Variants in ZNF536 observed in about 807,000 individuals in gnomAD.
The protein encoded by ZNF536 is zinc finger protein 536.
ZNF536 carries 13 observed loss-of-function variants against 84.5 expected under a neutral mutation model. The ratio of observed to expected loss-of-function variants is 0.15; its 90% CI spans 0.10 to 0.24. The LOEUF (loss-of-function observed/expected upper bound fraction) is 0.24. Ranked by LOEUF, ZNF536 falls within the 10% of genes least tolerant of loss-of-function variation. The pLI, the probability that ZNF536 is intolerant of heterozygous loss-of-function variation, is 1.00. For missense variants in ZNF536, 1,536 were observed against 1,747.5 expected (o/e 0.88, Z 2.16); for synonymous variants, 811 against 742.5 (o/e 1.09, Z -1.50).
At chr19:30,556,682 G>C (rs1222395230) in intron 4 of ZNF536, 3 of 154,066 alleles carry the variant, frequency 1.9e-5, no homozygotes, top group African/African-American at 7.2e-5. Context: ...ATTTAGCCTT[G>C]TTTATGTTCC....
chr19:30,415,552 G>A (rs769998919), intron 1 of ZNF536, among the ~76,000 whole-genome samples: 1 of 150,762 alleles, frequency 6.6e-6, no homozygotes, highest in Non-Finnish European at 1.5e-5. Flanking sequence ...ATTTTTCTCA[G>A]TCTACAGACT....
intron 1 of ZNF536, among the ~76,000 whole-genome samples, chr19:30,569,858 T>C (rs148032162): frequency 0.02 from 2,983 of 152,178 alleles, 37 homozygotes; most frequent in Middle Eastern, 0.031. Context: ...AGAGCCACTG[T>C]ACCCGGCCCA....
At chr19:30,310,372 G>A (rs976935704) in intron 2 of ZNF536, among the ~76,000 whole-genome samples, 37 of 152,180 alleles carry the variant, frequency 2.4e-4, no homozygotes, top group African/African-American at 8.7e-4. Flanking sequence ...GATTCTTCAA[G>A]TGCTGACATC....
chr19:30,363,881 C>T (rs946322957), intron 3 of ZNF536, among the ~76,000 whole-genome samples: 1 of 152,040 alleles, frequency 6.6e-6, no homozygotes, highest in African/African-American at 2.4e-5. Context: ...AAGAGAGAAG[C>T]TTCTTGCAGA....
chr19:30,676,175 TA>T (rs2050748793), intron 1 of ZNF536, among the ~76,000 whole-genome samples: 1 of 152,214 alleles, frequency 6.6e-6, no homozygotes, highest in Non-Finnish European at 1.5e-5. Context: ...CTTTTGTTTT[TA>T]AACTTCAAAC....
intron 2 of ZNF536, 67 bp from the exon 3 acceptor site, chr19:30,534,780 C>T (rs1830597311): frequency 6.7e-7 from 1 of 1,491,008 alleles, no homozygotes; most frequent in East Asian, 2.4e-5. Context: ...GTGGTGTTAG[C>T]AGTTTTGGTG....
chr19:30,655,682 C>T (rs558481866), intron 1 of ZNF536, among the ~76,000 whole-genome samples: 16 of 152,230 alleles, frequency 1.1e-4, no homozygotes, highest in African/African-American at 3.6e-4. Context: ...CAGATTTATC[C>T]AAGGGAGGAA....
intron 1 of ZNF536, among the ~76,000 whole-genome samples, chr19:30,610,288 G>T (rs2048058838): frequency 6.6e-6 from 1 of 152,242 alleles, no homozygotes; most frequent in Non-Finnish European, 1.5e-5. Context: ...TGTTGGGACA[G>T]GATAGGGTGT....
At chr19:30,283,410 G>A (rs939449648) in intron 1 of ZNF536, among the ~76,000 whole-genome samples, 7 of 152,204 alleles carry the variant, frequency 4.6e-5, no homozygotes, top group African/African-American at 1.2e-4. Context: ...TGAGCATGCC[G>A]TAGGAGGTGA....
chr19:30,410,601 CGT>C (rs2050447171), intron 1 of ZNF536, among the ~76,000 whole-genome samples: 1 of 151,586 alleles, frequency 6.6e-6, no homozygotes, highest in Non-Finnish European at 1.5e-5. Flanking sequence ...CAGCCTCCCG[CGT>C]AGCTGGGACT....
intron 3 of ZNF536, among the ~76,000 whole-genome samples, chr19:30,536,955 C>T (rs1486403959): frequency 6.6e-6 from 1 of 152,156 alleles, no homozygotes; most frequent in East Asian, 1.9e-4. Context: ...TGGCAGTGGA[C>T]CCCCCGCCCC....
intron 1 of ZNF536, among the ~76,000 whole-genome samples, chr19:30,583,856 A>G (rs2047006352): frequency 1.3e-5 from 2 of 152,190 alleles, no homozygotes; most frequent in South Asian, 2.1e-4. Flanking sequence ...GAGCTCGGCT[A>G]TTGATGGAGA....
intron 1 of ZNF536, among the ~76,000 whole-genome samples, chr19:30,680,338 G>A (rs1367234170): frequency 2.0e-5 from 3 of 150,530 alleles, no homozygotes; most frequent in African/African-American, 7.3e-5. Flanking sequence ...TGCCATGTTG[G>A]TGTGCTGCAC....
chr19:30,694,161 G>A (rs868220640), intron 1 of ZNF536, among the ~76,000 whole-genome samples: 9 of 152,136 alleles, frequency 5.9e-5, no homozygotes, highest in African/African-American at 1.9e-4. Flanking sequence ...CTTTCCTGGT[G>A]CCATACAGAG....
chr19:30,375,534 A>C (rs1325957261), intron 1 of ZNF536, among the ~76,000 whole-genome samples: 1 of 151,870 alleles, frequency 6.6e-6, no homozygotes, highest in African/African-American at 2.4e-5. Flanking sequence ...TGGGGAGCTC[A>C]CCCCCTCCAC....
intron 1 of ZNF536, among the ~76,000 whole-genome samples, chr19:30,591,017 AG>A (rs2047260392): frequency 6.6e-6 from 1 of 152,236 alleles, no homozygotes; most frequent in Non-Finnish European, 1.5e-5. Flanking sequence ...TATGGTTGGG[AG>A]AGCCCAGCAC....
intron 2 of ZNF536, among the ~76,000 whole-genome samples, chr19:30,457,979 T>G (rs2052935622): frequency 6.6e-6 from 1 of 152,190 alleles, no homozygotes; most frequent in African/African-American, 2.4e-5. Flanking sequence ...AACGAGGGCT[T>G]GCTATGAGAA....
intron 3 of ZNF536, among the ~76,000 whole-genome samples, chr19:30,361,404 AAGCTTTATG>A (rs1275237983): frequency 6.6e-6 from 1 of 150,656 alleles, no homozygotes; most frequent in African/African-American, 2.4e-5. Context: ...CTGGAAACAA[AAGCTTTATG>A]TCATATTTTT....
chr19:30,611,424 C>A (rs577896749), intron 1 of ZNF536, among the ~76,000 whole-genome samples: 2 of 152,286 alleles, frequency 1.3e-5, no homozygotes, highest in African/African-American at 4.8e-5. Context: ...TGCATTAAAA[C>A]CCCCTGCTCT....
Sources: allele counts gnomAD v4.1 joint callset (sites outside exome capture counted in the v4.1 genomes callset), GRCh38; gene constraint gnomAD v4.1.1; transcripts MANE v1.5; gene names NCBI Gene and HGNC (gene_info 2026-07-23, HGNC 2026-07-21).